GTF2A2: variants seen among roughly 807,000 people sequenced by gnomAD.
GTF2A2 encodes general transcription factor IIA subunit 2, also known as transcription initiation factor IIA subunit 2.
Under a neutral mutation model 14.3 loss-of-function variants are expected in GTF2A2, and 9 were observed. That is an observed-to-expected ratio of 0.63 (90% CI 0.38 to 1.10). GTF2A2 has a LOEUF of 1.10. Ranked by LOEUF, GTF2A2 falls within the 50% of genes least tolerant of loss-of-function variation. GTF2A2 has a pLI of 0.01. For missense variants in GTF2A2, 90 were observed against 124.6 expected, an observed-to-expected ratio of 0.72 and a Z score of 1.32; for synonymous variants, 56 against 46.0, an observed-to-expected ratio of 1.22 and a Z score of -0.88.
At chr15:59,641,159 G>C (rs1891407852) in intron 4 of GTF2A2, among the ~76,000 whole-genome samples, 4 of 149,454 alleles carry the variant, frequency 2.7e-5, no homozygotes, top group African/African-American at 1.0e-4. Context: ...TTTAAGACCA[G>C]CCTGGGCAAT....
intron 1 of GTF2A2, among the ~76,000 whole-genome samples, chr15:59,654,343 C>T (rs1168521292): frequency 6.6e-6 from 1 of 152,168 alleles, no homozygotes; most frequent in African/African-American, 2.4e-5. Flanking sequence ...TTTGTGGTGG[C>T]TCTTCTTTTT....
chr15:59,650,470 C>G (rs574903809), intron 3 of GTF2A2, among the ~76,000 whole-genome samples, 199 bp downstream of exon 3: 1 of 152,162 alleles, frequency 6.6e-6, no homozygotes, highest in Middle Eastern at 3.2e-3. Flanking sequence ...CTAAAAACAT[C>G]TCTGTATCTC....
At chr15:59,640,881 G>GAT (rs1891396458) in intron 4 of GTF2A2, among the ~76,000 whole-genome samples, 1 of 151,846 alleles carries the variant, frequency 6.6e-6, no homozygotes, top group Admixed American at 6.6e-5. Context: ...TGACAAAGAT[G>GAT]TATCTAATGA....
intron 3 of GTF2A2, among the ~76,000 whole-genome samples, chr15:59,644,769 G>A (rs1891547927): frequency 6.6e-6 from 1 of 152,206 alleles, no homozygotes; most frequent in African/African-American, 2.4e-5. Context: ...ACTTGGAATG[G>A]GGTGGTTGAT....
intron 1 of GTF2A2, among the ~76,000 whole-genome samples, chr15:59,654,359 C>T (rs1401210883): frequency 6.6e-6 from 1 of 152,162 alleles, no homozygotes; most frequent in Non-Finnish European, 1.5e-5. Flanking sequence ...TTTTTGCTGA[C>T]AGTATTCTTT....
At chr15:59,652,987 G>T (rs778818263) in intron 1 of GTF2A2, 1 of 152,130 alleles carries the variant, frequency 6.6e-6, no homozygotes, top group Non-Finnish European at 1.5e-5. Context: ...TGACAGAATA[G>T]AATAAGTAAA....
intron 4 of GTF2A2, 110 bp from the exon 5 acceptor site, chr15:59,639,267 G>GTGGCTTGCAGGGTGGGGAAGA: frequency 1.4e-6 from 1 of 729,692 alleles, no homozygotes; most frequent in Non-Finnish European, 2.5e-6. Flanking sequence ...AATAGTGGTG[G>GTGGCTTGCAGGGTGGGGAAGA]TGGCTTGCAG....
intron 4 of GTF2A2, among the ~76,000 whole-genome samples, chr15:59,641,110 C>G (rs1428512614): frequency 6.6e-6 from 1 of 151,144 alleles, no homozygotes; most frequent in Non-Finnish European, 1.5e-5. Context: ...TCCCAGCACT[C>G]TGGGAGAAGG....
At position 59,638,885 on chromosome 15, in the gene GTF2A2, TTATTAAAGAAGG is replaced by T; in HGVS notation, c.*235_*246del. 2.5e-6 allele frequency: 1 copy of T among 402,936 alleles called. No homozygotes were observed. Among genetic ancestry groups the T allele is most frequent in the Non-Finnish European group, 4.5e-6 (1 of 222,320 alleles). The allele number at this position is 402,936 out of a possible 1,614,324, so 25.0% of individuals were successfully genotyped here. Reference sequence around the variant, plus strand: ...TATTACTCAGAGTTTTAAAATGAGTTTATTAAAGAAGGTTCTTAGGAAGGCAACAACTTTTGT... The same window carrying T: ...TATTACTCAGAGTTTTAAAATGAGTTTTCTTAGGAAGGCAACAACTTTTGT... On this transcript the variant is annotated 3_prime_UTR_variant, in exon 5 of 5. Coordinates refer to ENST00000396060, the MANE Select transcript of GTF2A2 (RefSeq NM_004492.3).
chr15:59,644,079 G>A (rs1891523242), intron 3 of GTF2A2, among the ~76,000 whole-genome samples: 1 of 151,952 alleles, frequency 6.6e-6, no homozygotes, highest in African/African-American at 2.4e-5. Flanking sequence ...ATTTTTAGTA[G>A]AGGCGGGGTT....
chr15:59,643,886 T>C (rs933345649), intron 3 of GTF2A2, among the ~76,000 whole-genome samples: 12 of 148,200 alleles, frequency 8.1e-5, no homozygotes, highest in Non-Finnish European at 1.5e-4. Context: ...GCGTGAGCCA[T>C]AGCACCCAGC....
chr15:59,649,818 C>T (rs1442995138), intron 3 of GTF2A2, among the ~76,000 whole-genome samples: 1 of 152,080 alleles, frequency 6.6e-6, no homozygotes, highest in African/African-American at 2.4e-5. Flanking sequence ...GTATCTAGAG[C>T]ATGCCTGGTA....
rs1223837797 is a variant in GTF2A2 at position 59,646,592 on chromosome 15, T to G, written c.177+4077A>C. Among the ~76,000 whole-genome samples, 3 of 152,346 alleles carry G rather than the reference T, an allele frequency of 2.0e-5. 1 individual carries two copies. Among genetic ancestry groups the G allele is most frequent in the Admixed American group, 6.5e-5 (1 of 15,296 alleles). On this transcript the variant is annotated intron_variant, in intron 3 of 4. Transcript: ENST00000396060. ...AATATAAAGCATTTTAGATGTAGAT[T>G]GGAGTGAAAAATCTTACATATCATA...
intron 3 of GTF2A2, among the ~76,000 whole-genome samples, chr15:59,645,842 C>T (rs1891586707): frequency 6.6e-6 from 1 of 151,872 alleles, no homozygotes; most frequent in African/African-American, 2.4e-5. Flanking sequence ...CAAGACCAGC[C>T]TGGCCAACAT....
At chr15:59,641,171 C>G (rs946637836) in intron 4 of GTF2A2, among the ~76,000 whole-genome samples, 4 of 126,962 alleles carry the variant, frequency 3.2e-5, no homozygotes, top group African/African-American at 1.2e-4. Flanking sequence ...CTGGGCAATA[C>G]AGCAAGACTC....
In GTF2A2 at chr15:59,642,122, A is replaced by G. The variant is rs189450115; in HGVS notation, c.304+14T>C. On this transcript the variant is annotated intron_variant, in intron 4 of 4. Coordinates refer to ENST00000396060, the MANE Select transcript of GTF2A2 (RefSeq NM_004492.3). ...GTTTCAAGTAGCTTTCACAGAAATA[A>G]GGCAAGCACTTACTTTTACCATCAC... is the stretch of plus-strand genomic sequence containing the variant. 3 of 1,593,608 alleles carry G rather than the reference A, an allele frequency of 1.9e-6. No homozygotes were observed. Among genetic ancestry groups the G allele is most frequent in the African/African-American group, 2.7e-5 (2 of 73,938 alleles).
At chr15:59,652,082 ACTG>A in intron 2 of GTF2A2, 121 bp downstream of exon 2, 1 of 634,372 alleles carries the variant, frequency 1.6e-6, no homozygotes, top group South Asian at 1.9e-5. Context: ...AATCAGTGTT[ACTG>A]ACTTGCTGGG....
chr15:59,656,621 T>C (rs1249291530), intron 1 of GTF2A2, among the ~76,000 whole-genome samples: 3 of 151,942 alleles, frequency 2.0e-5, no homozygotes, highest in African/African-American at 7.3e-5. Flanking sequence ...AAGGCAAATA[T>C]CAGTAAGTAT....
Position 59,642,139 on chromosome 15 carries a change from T to C in GTF2A2, c.301A>G (p.Lys101Glu). 6.2e-7 allele frequency: 1 copy of C among 1,605,058 alleles called. No individual in the cohort carries two copies. Among genetic ancestry groups the C allele is most frequent in the Non-Finnish European group, 8.5e-7 (1 of 1,176,690 alleles). Residue 101 changes from lysine to glutamate, a missense_variant, in exon 4 of 5, where the codon AAA (lysine) becomes GAA (glutamate). Physicochemically the swap from Lys to Glu is moderately conservative, Grantham distance 56. Coordinates refer to ENST00000396060, the MANE Select transcript of GTF2A2 (RefSeq NM_004492.3). ...CAGAAATAAGGCAAGCACTTACTTT[T>C]ACCATCACAGGCTACAATTTTCACT... ...DKVKIVACDG[K>E]NTGSNTTE is the part of the protein sequence containing the mutation.
Sources: gnomAD v4.1 joint callset for allele counts (sites outside exome capture counted in the v4.1 genomes callset) on GRCh38, gnomAD v4.1.1 for gene constraint, MANE v1.5 for transcripts, NCBI Gene and HGNC (gene_info 2026-07-23, HGNC 2026-07-21) for gene names.